DCDC2C: variants seen among roughly 807,000 people sequenced by gnomAD.
The protein encoded by DCDC2C is doublecortin domain-containing protein 2C.
In DCDC2C, 44 loss-of-function variants were observed where a neutral mutation model predicts 45.0. The observed-to-expected ratio is 0.98, with a 90% CI of 0.77 to 1.26. The LOEUF (loss-of-function observed/expected upper bound fraction) is 1.26. DCDC2C is among the 50% of genes most tolerant of loss of function. The probability of loss-of-function intolerance (pLI) is 0.00; values close to 1 mark genes in which losing one functional copy is unlikely to be tolerated. For missense variants in DCDC2C, 447 were observed against 468.9 expected (o/e 0.95, Z 0.43); for synonymous variants, 187 against 178.8 (o/e 1.05, Z -0.37).
At chr2:3,751,917 C>A (rs1669554365) in intron 4 of DCDC2C, among the ~76,000 whole-genome samples, 1 of 152,220 alleles carries the variant, frequency 6.6e-6, no homozygotes, top group Admixed American at 6.5e-5. Flanking sequence ...GAATTCAAGG[C>A]CCTTTGGAAA....
At chr2:3,774,631 G>A (rs1262618085) in intron 8 of DCDC2C, among the ~76,000 whole-genome samples, 1 of 152,236 alleles carries the variant, frequency 6.6e-6, no homozygotes, top group Non-Finnish European at 1.5e-5. Context: ...GCGTGTCTAT[G>A]CCTCTCTTGT....
At chr2:3,722,940 T>G (rs1238203427) in intron 2 of DCDC2C, among the ~76,000 whole-genome samples, 4 of 152,226 alleles carry the variant, frequency 2.6e-5, no homozygotes, top group African/African-American at 9.6e-5. Flanking sequence ...AAATTCATGT[T>G]CATTGTTGGT....
At chr2:3,845,830 C>A (rs561920554) in intron 10 of DCDC2C, among the ~76,000 whole-genome samples, 2 of 152,330 alleles carry the variant, frequency 1.3e-5, no homozygotes, top group South Asian at 4.1e-4. Context: ...GCTAAGAGAA[C>A]CAGGCCCTGG....
At chr2:3,763,320 A>G (rs1043187510) in intron 6 of DCDC2C, among the ~76,000 whole-genome samples, 1 of 152,160 alleles carries the variant, frequency 6.6e-6, no homozygotes, top group Non-Finnish European at 1.5e-5. Flanking sequence ...CTGAGACCAC[A>G]CAGCTGACGT....
At position 3,826,610 on chromosome 2, in the gene DCDC2C, T is replaced by A. The variant is rs189595053; in HGVS notation, c.1066-20544T>A. ...TTCCCACATTGCTGATCTTGAAGCG[T>A]GCTAGCTGGCACTCGCTGACAGGCT... On this transcript the variant is annotated intron_variant, in intron 10 of 10. Transcript: ENST00000399143. Among the ~76,000 whole-genome samples the A allele has an allele frequency of 2.6e-3, 390 of 152,226 alleles. 3 individuals are homozygous for A. The highest frequency in any genetic ancestry group is 9.1e-3 in the African/African-American group (377 of 41,546).
At chr2:3,756,318 G>A (rs763370867) in intron 6 of DCDC2C, among the ~76,000 whole-genome samples, 1 of 152,080 alleles carries the variant, frequency 6.6e-6, no homozygotes, top group Admixed American at 6.5e-5. Context: ...TATTGAACAC[G>A]TACTCTTTCC....
chr2:3,760,443 G>GA (rs1241841475), intron 6 of DCDC2C, among the ~76,000 whole-genome samples: 3 of 152,152 alleles, frequency 2.0e-5, no homozygotes, highest in Non-Finnish European at 4.4e-5. Context: ...GCCCATCAAT[G>GA]ATAGACTGGA....
At chr2:3,770,001 G>A (rs369274283) in intron 8 of DCDC2C, among the ~76,000 whole-genome samples, 12 of 152,260 alleles carry the variant, frequency 7.9e-5, no homozygotes, top group Non-Finnish European at 1.6e-4. Flanking sequence ...GGAGTGGGGA[G>A]CAGGGTTCTG....
At chr2:3,718,896 G>A (rs890060162) in intron 2 of DCDC2C, among the ~76,000 whole-genome samples, 2 of 152,114 alleles carry the variant, frequency 1.3e-5, no homozygotes, top group African/African-American at 4.8e-5. Context: ...CAAGCCTCTT[G>A]CTAGCTACAG....
At chr2:3,773,390 T>A (rs1161161528) in intron 8 of DCDC2C, among the ~76,000 whole-genome samples, 2 of 152,086 alleles carry the variant, frequency 1.3e-5, no homozygotes, top group African/African-American at 4.8e-5. Flanking sequence ...TCCCCCACCA[T>A]CTCCATCAGC....
At chr2:3,762,053 G>A (rs1240376652) in intron 6 of DCDC2C, among the ~76,000 whole-genome samples, 2 of 152,090 alleles carry the variant, frequency 1.3e-5, no homozygotes, top group Non-Finnish European at 2.9e-5. Flanking sequence ...GATTTTGGAG[G>A]GCTTGAGACT....
chr2:3,706,271 T>A (rs186321154), intron 1 of DCDC2C, among the ~76,000 whole-genome samples: 2 of 152,322 alleles, frequency 1.3e-5, no homozygotes, highest in Admixed American at 1.3e-4. Context: ...CCCCTCATAA[T>A]AGTGGTTTCA....
chr2:3,793,184 C>A (rs1368794970), intron 10 of DCDC2C, among the ~76,000 whole-genome samples: 1 of 152,106 alleles, frequency 6.6e-6, no homozygotes, highest in Non-Finnish European at 1.5e-5. Context: ...AAGTAAAAGA[C>A]AGGCCTTAAA....
chr2:3,800,106 A>G (rs1002580337), intron 10 of DCDC2C, among the ~76,000 whole-genome samples: 2 of 152,096 alleles, frequency 1.3e-5, no homozygotes, highest in African/African-American at 2.4e-5. Context: ...AAAGCGCAGT[A>G]TTCGGGTGGG....
At chr2:3,784,901 G>A (rs1572615515) in intron 9 of DCDC2C, among the ~76,000 whole-genome samples, 158 bp from the exon 10 acceptor site, 1 of 152,240 alleles carries the variant, frequency 6.6e-6, no homozygotes, top group South Asian at 2.1e-4. Flanking sequence ...TCAGTAGTGA[G>A]GATGAGGCTT....
intron 2 of DCDC2C, among the ~76,000 whole-genome samples, chr2:3,725,469 GT>G (rs1423973856): frequency 9.9e-6 from 1 of 100,622 alleles, no homozygotes; most frequent in African/African-American, 3.4e-5. Flanking sequence ...AGGCTGCCCG[GT>G]GGATCCCAGA....
In DCDC2C at chr2:3,777,089, G is replaced by A. The variant is rs1670363064; in HGVS notation, c.955-1727G>A. ...CTGTCACTCCTGCTTTTCATGCACTGACCCCCAGCAACTCTGAAGCTCAGC... is the reference window on the plus strand; with the variant it reads ...CTGTCACTCCTGCTTTTCATGCACTAACCCCCAGCAACTCTGAAGCTCAGC... On this transcript the variant is annotated intron_variant, in intron 8 of 10. Coordinates refer to ENST00000399143, the MANE Select transcript of DCDC2C (RefSeq NM_001287444.2). 2.6e-5 allele frequency among the ~76,000 whole-genome samples: 4 copies of A among 152,098 alleles called. No homozygotes were observed. In the South Asian group the frequency reaches 6.2e-4, roughly 24 times the overall value.
chr2:3,771,745 C>T (rs967009532), intron 8 of DCDC2C, among the ~76,000 whole-genome samples: 2 of 152,198 alleles, frequency 1.3e-5, no homozygotes, highest in African/African-American at 4.8e-5. Flanking sequence ...TGGGCCAAGC[C>T]TGGAGAACTT....
At chr2:3,811,017 G>A (rs1041674739) in intron 10 of DCDC2C, among the ~76,000 whole-genome samples, 1 of 152,168 alleles carries the variant, frequency 6.6e-6, no homozygotes, top group African/African-American at 2.4e-5. Flanking sequence ...GTAGTGTGAT[G>A]CCTCCAGCTT....
Sources: allele counts gnomAD v4.1 joint callset (sites outside exome capture counted in the v4.1 genomes callset), GRCh38; gene constraint gnomAD v4.1.1; transcripts MANE v1.5; gene names NCBI Gene and HGNC (gene_info 2026-07-23, HGNC 2026-07-21).